The following SHROOM4 variants were observed in gnomAD, a reference collection of about 807,000 sequenced individuals.
The protein encoded by SHROOM4 is shroom family member 4.
Under a neutral mutation model 80.3 loss-of-function variants are expected in SHROOM4, and 17 were observed. The ratio of observed to expected loss-of-function variants is 0.21; its 90% CI spans 0.14 to 0.32. SHROOM4 has a LOEUF of 0.32. Among genes scored for constraint, SHROOM4 ranks in the 10% least tolerant of loss-of-function variants. The pLI is 1.00. For missense variants in SHROOM4, 993 were observed against 1,140.3 expected, an observed-to-expected ratio of 0.87 and a Z score of 1.86; for synonymous variants, 400 against 437.5, an observed-to-expected ratio of 0.91 and a Z score of 1.07.
chrX:50,611,995 A>C (rs1224666269), intron 5 of SHROOM4, among the ~76,000 whole-genome samples: 3 of 111,696 alleles, frequency 2.7e-5, no homozygotes, highest in African/African-American at 6.5e-5. Flanking sequence ...GAATTAAAAT[A>C]AATGAATTAA....
At chrX:50,764,942 C>A (rs782561718) in intron 1 of SHROOM4, among the ~76,000 whole-genome samples, 1 of 112,003 alleles carries the variant, frequency 8.9e-6, no homozygotes, top group African/African-American at 3.3e-5. Flanking sequence ...GAAGGAGAAG[C>A]AAAGGCATGA....
chrX:50,690,899 G>A (rs1185896592), intron 2 of SHROOM4, among the ~76,000 whole-genome samples: 4 of 112,395 alleles, frequency 3.6e-5, no homozygotes, highest in Admixed American at 2.8e-4. Context: ...CCCAGGAGGC[G>A]GAGGTTATAG....
At position 50,789,481 on chromosome X, in the gene SHROOM4, C is replaced by T. The variant is rs781814865; in HGVS notation, c.117+24421G>A. On this transcript the variant is annotated intron_variant, in intron 1 of 8. Coordinates refer to ENST00000376020, the MANE Select transcript of SHROOM4 (RefSeq NM_020717.5). ...AAAAACAAAATAGAATGTACAAAAC[C>T]GATGGAATGCAGCAAAATCAGTACC... is the stretch of plus-strand genomic sequence containing the variant. 2.2e-4 allele frequency among the ~76,000 whole-genome samples: 24 copies of T among 110,227 alleles called. 1 individual carries two copies. Among genetic ancestry groups the T allele is most frequent in the African/African-American group, 7.9e-4 (24 of 30,397 alleles).
At chrX:50,727,488 A>G (rs1934267724) in intron 1 of SHROOM4, among the ~76,000 whole-genome samples, 2 of 111,983 alleles carry the variant, frequency 1.8e-5, no homozygotes. Context: ...CCCATGTGTC[A>G]AGGGAGGGAC....
At chrX:50,739,159 A>T (rs1296393272) in intron 1 of SHROOM4, among the ~76,000 whole-genome samples, 3 of 111,397 alleles carry the variant, frequency 2.7e-5, no homozygotes, top group Admixed American at 1.9e-4. Flanking sequence ...TCCCTTCCTT[A>T]CACCTTATAC....
At chrX:50,655,248 C>T (rs1233113742) in intron 2 of SHROOM4, among the ~76,000 whole-genome samples, 3 of 109,838 alleles carry the variant, frequency 2.7e-5, no homozygotes, top group African/African-American at 9.9e-5. Flanking sequence ...CTGCAATGAA[C>T]AAACAAGTGC....
intron 7 of SHROOM4, among the ~76,000 whole-genome samples, chrX:50,601,389 C>A (rs1208495227): frequency 6.2e-5 from 7 of 112,240 alleles, no homozygotes; most frequent in Non-Finnish European, 1.9e-5. Flanking sequence ...AAAACTTCAA[C>A]ACCACCATGC....
intron 1 of SHROOM4, among the ~76,000 whole-genome samples, chrX:50,702,001 T>C (rs987487297): frequency 9.0e-6 from 1 of 111,570 alleles, no homozygotes; most frequent in Non-Finnish European, 1.9e-5. Context: ...ATGACTTATA[T>C]CCAGAATATT....
intron 2 of SHROOM4, among the ~76,000 whole-genome samples, chrX:50,671,364 G>C (rs782074651): frequency 8.9e-6 from 1 of 111,915 alleles, no homozygotes; most frequent in Non-Finnish European, 1.9e-5. Context: ...CTGAATTCTC[G>C]TTTTTAGCTA....
rs372765978 is a variant in SHROOM4, at chrX:50,747,956, G to A, written c.118-52019C>T. On this transcript the variant is annotated intron_variant, in intron 1 of 8. Transcript: ENST00000376020. The stretch of plus-strand genomic sequence containing the variant: ...ATTAGCACCATTTTAGCCTCAAAGA[G>A]GTTAAATGAATTGAACGCAGATCTG... Among the ~76,000 whole-genome samples, 5 of 111,693 alleles carry A rather than the reference G, an allele frequency of 4.5e-5. No individual in the cohort carries two copies. The East Asian group carries it at 1.1e-3, about 25-fold the overall frequency.
Position 50,587,502 on chromosome X carries a change from CA to C in SHROOM4, c.*9192del, listed in dbSNP as rs1928781662. ...AAAAATATTTTAGTTACTGCAGTAG[CA>C]AAGAGATTCATGAGTTTAGCCTATT... On this transcript the variant is annotated 3_prime_UTR_variant, in exon 9 of 9. Coordinates refer to ENST00000376020, the MANE Select transcript of SHROOM4 (RefSeq NM_020717.5). 8.9e-6 allele frequency among the ~76,000 whole-genome samples: 1 copy of C among 111,966 alleles called. No homozygotes were observed. Among genetic ancestry groups the C allele is most frequent in the Non-Finnish European group, 1.9e-5 (1 of 53,139 alleles).
At chrX:50,730,180 C>T (rs1465708699) in intron 1 of SHROOM4, among the ~76,000 whole-genome samples, 1 of 111,844 alleles carries the variant, frequency 8.9e-6, no homozygotes, top group Non-Finnish European at 1.9e-5. Context: ...ATAATCTCAG[C>T]ACTTTGGGAG....
At chrX:50,668,073 G>A (rs781949657) in intron 2 of SHROOM4, among the ~76,000 whole-genome samples, 49 of 112,132 alleles carry the variant, frequency 4.4e-4, no homozygotes, top group Admixed American at 6.6e-4. Context: ...ATAAGGTGTC[G>A]CAAATCTCCT....
At chrX:50,614,567 A>G (rs1293441137) in intron 5 of SHROOM4, among the ~76,000 whole-genome samples, 1 of 112,674 alleles carries the variant, frequency 8.9e-6, no homozygotes, top group Admixed American at 9.3e-5. Flanking sequence ...TAAATAAAAA[A>G]AGTTAAAGAA....
intron 2 of SHROOM4, among the ~76,000 whole-genome samples, chrX:50,665,392 G>A (rs148708313): frequency 0.01 from 1,138 of 111,021 alleles, 16 homozygotes; most frequent in African/African-American, 0.036. Flanking sequence ...GGCTTTACTG[G>A]GGTGTCAAGG....
chrX:50,583,368 C>T (rs913340334), downstream of SHROOM4, among the ~76,000 whole-genome samples: 6 of 111,063 alleles, frequency 5.4e-5, no homozygotes, highest in Non-Finnish European at 1.1e-4. Context: ...GATGTGCAGA[C>T]TCTAGGATGG....
chrX:50,683,081 G>C (rs782187393), intron 2 of SHROOM4, among the ~76,000 whole-genome samples: 1 of 111,697 alleles, frequency 9.0e-6, no homozygotes, highest in South Asian at 3.8e-4. Flanking sequence ...TTGGGACTCA[G>C]ACTGGCTCTC....
At chrX:50,680,315 G>A (rs1433905321) in intron 2 of SHROOM4, among the ~76,000 whole-genome samples, 2 of 111,620 alleles carry the variant, frequency 1.8e-5, no homozygotes, top group African/African-American at 6.5e-5. Flanking sequence ...CATGGTTTTA[G>A]CTCCTGCCAA....
intron 1 of SHROOM4, among the ~76,000 whole-genome samples, chrX:50,804,046 T>A (rs1391537940): frequency 8.9e-6 from 1 of 112,139 alleles, no homozygotes; most frequent in East Asian, 2.8e-4. Context: ...TTAGGTAACT[T>A]CATACACTTC....
Sources: allele counts gnomAD v4.1 joint callset (sites outside exome capture counted in the v4.1 genomes callset), GRCh38; gene constraint gnomAD v4.1.1; transcripts MANE v1.5; gene names NCBI Gene and HGNC (gene_info 2026-07-23, HGNC 2026-07-21).